PHACTR3: variants seen among roughly 807,000 people sequenced by gnomAD.
PHACTR3 encodes phosphatase and actin regulator 3, also known as protein phosphatase 1, regulatory subunit 123.
Under a neutral mutation model 66.8 loss-of-function variants are expected in PHACTR3, and 16 were observed. The observed-to-expected ratio is 0.24, with a 90% confidence interval of 0.16 to 0.36. PHACTR3 has a LOEUF of 0.36. PHACTR3 is among the 10% of genes least tolerant of loss of function. The pLI is 1.00. For missense variants in PHACTR3, 647 were observed against 719.9 expected (o/e 0.90, Z 1.16); for synonymous variants, 323 against 292.1 (o/e 1.11, Z -1.08).
Position 59,604,611 on chromosome 20 carries a change from G to T in PHACTR3, c.-404G>T. 2.3e-6 allele frequency: 1 copy of T among 440,970 alleles called. No homozygotes were observed. Among genetic ancestry groups the T allele is most frequent in the Non-Finnish European group, 3.0e-6 (1 of 332,216 alleles). 27.3% of individuals were successfully genotyped at this position (440,970 alleles called of 1,614,324 possible). A position where few individuals can be genotyped will look rare whatever the true frequency, so the allele number is the denominator to read the frequency against. On this transcript the variant is annotated 5_prime_UTR_variant, in exon 1 of 13. Transcript: ENST00000371015. ...TCCTGGGGGGGTGGGGGGTGGGGTG[G>T]GGGGAGGGAGCGCCCCCAGACATTC...
intron 7 of PHACTR3, 26 bp from the exon 8 acceptor site, chr20:59,806,015 C>A: frequency 6.2e-7 from 1 of 1,606,820 alleles, no homozygotes; most frequent in South Asian, 1.1e-5. Flanking sequence ...TCCCTTCTCT[C>A]CTCTTGCCCT....
At chr20:59,744,840 G>A (rs1601245783) in intron 2 of PHACTR3, among the ~76,000 whole-genome samples, 1 of 152,152 alleles carries the variant, frequency 6.6e-6, no homozygotes, top group Non-Finnish European at 1.5e-5. Context: ...GTAGGGAGTC[G>A]AGTGACAAAG....
chr20:59,595,059 G>A (rs1283114156), intron 1 of PHACTR3, among the ~76,000 whole-genome samples: 3 of 152,132 alleles, frequency 2.0e-5, no homozygotes. Context: ...TGGCACATGA[G>A]GTGTGTTATT....
intron 1 of PHACTR3, among the ~76,000 whole-genome samples, chr20:59,615,586 C>T (rs764805252): frequency 1.3e-5 from 2 of 152,238 alleles, no homozygotes; most frequent in South Asian, 2.1e-4. Flanking sequence ...TCCAGACCTC[C>T]GTGGCCCTAC....
chr20:59,750,228 C>T (rs1369053779), intron 3 of PHACTR3, among the ~76,000 whole-genome samples: 1 of 151,710 alleles, frequency 6.6e-6, no homozygotes, highest in Non-Finnish European at 1.5e-5. Context: ...TCTCGGGGGG[C>T]CGGGAGATGT....
intron 1 of PHACTR3, chr20:59,676,874 T>G: frequency 2.0e-5 from 5 of 244,060 alleles, no homozygotes; most frequent in Non-Finnish European, 3.1e-5. Context: ...AGCAGGGCCC[T>G]AAGAGAATGG....
At chr20:59,809,819 G>C (rs1009088891) in intron 8 of PHACTR3, among the ~76,000 whole-genome samples, 2 of 152,090 alleles carry the variant, frequency 1.3e-5, no homozygotes, top group Admixed American at 6.5e-5. Flanking sequence ...GAGGATGAAG[G>C]GGCATGGCTG....
rs565425163 is a variant in PHACTR3 at position 59,824,435 on chromosome 20, A to G, written c.1329-12070A>G. Among the ~76,000 whole-genome samples the G allele has an allele frequency of 7.9e-5, 12 of 152,354 alleles. No homozygotes were observed. The South Asian group carries it at 2.5e-3, about 32-fold the overall frequency. On this transcript the variant is annotated intron_variant, in intron 8 of 12. Transcript: ENST00000371015. ...ATGATGATGTGGTTTTGCAGTTTCT[A>G]TATTCACGTTTATTCCCTTTTATCT...
At chr20:59,744,380 C>T (rs2146774124) in intron 2 of PHACTR3, among the ~76,000 whole-genome samples, 1 of 152,344 alleles carries the variant, frequency 6.6e-6, no homozygotes, top group East Asian at 1.9e-4. Flanking sequence ...GGCCCCGCCT[C>T]CAGCCACATG....
chr20:59,804,925 T>C (rs545199029), intron 7 of PHACTR3, among the ~76,000 whole-genome samples: 8 of 152,346 alleles, frequency 5.3e-5, no homozygotes, highest in Admixed American at 4.6e-4. Flanking sequence ...CCTTCATCTA[T>C]GGAAGTGATC....
chr20:59,593,592 T>A (rs2033247328), intron 1 of PHACTR3, among the ~76,000 whole-genome samples: 1 of 152,336 alleles, frequency 6.6e-6, no homozygotes, highest in Non-Finnish European at 1.5e-5. Context: ...TTTTCTAGAC[T>A]TTTCTCCTGT....
rs144143847 is a variant in PHACTR3 at position 59,647,530 on chromosome 20, G to A, written c.118+42398G>A. Among the ~76,000 whole-genome samples the A allele has an allele frequency of 8.3e-4, 127 of 152,314 alleles. 1 individual carries two copies. Among genetic ancestry groups the A allele is most frequent in the African/African-American group, 2.9e-3 (122 of 41,562 alleles). ...GGAGGTCCATTGGCAGGACTGAGCAGCAGGGTGTTGGAGTGACATGCAGGT... is the reference window on the plus strand; with the variant it reads ...GGAGGTCCATTGGCAGGACTGAGCAACAGGGTGTTGGAGTGACATGCAGGT... On this transcript the variant is annotated intron_variant, in intron 1 of 12. Coordinates refer to ENST00000371015, the MANE Select transcript of PHACTR3 (RefSeq NM_080672.5).
At chr20:59,587,320 G>A (rs1054158509) in intron 1 of PHACTR3, among the ~76,000 whole-genome samples, 1 of 152,240 alleles carries the variant, frequency 6.6e-6, no homozygotes. Context: ...GGTGGGAGAA[G>A]GACCCTTGGG....
intron 1 of PHACTR3, among the ~76,000 whole-genome samples, chr20:59,713,677 T>C (rs2037984512): frequency 6.6e-6 from 1 of 152,216 alleles, no homozygotes; most frequent in South Asian, 2.1e-4. Flanking sequence ...ACATTTGTGT[T>C]ATTTCTAGTA....
chr20:59,630,860 A>G (rs1483605509), intron 1 of PHACTR3, among the ~76,000 whole-genome samples: 1 of 151,088 alleles, frequency 6.6e-6, no homozygotes, highest in Non-Finnish European at 1.5e-5. Flanking sequence ...TTATCAAGGA[A>G]GCTCTAGGAT....
At chr20:59,746,568 T>A (rs775749274) in intron 2 of PHACTR3, among the ~76,000 whole-genome samples, 2 of 152,226 alleles carry the variant, frequency 1.3e-5, no homozygotes, top group Non-Finnish European at 2.9e-5. Context: ...AGCACCCAGC[T>A]CAGCACTTGG....
At chr20:59,584,910 C>T (rs1053200591) in intron 1 of PHACTR3, among the ~76,000 whole-genome samples, 2 of 152,090 alleles carry the variant, frequency 1.3e-5, no homozygotes, top group Non-Finnish European at 2.9e-5. Flanking sequence ...GATTGCCCAG[C>T]CCCCACCCCC....
chr20:59,605,882 G>T (rs1350194422), intron 1 of PHACTR3, among the ~76,000 whole-genome samples: 2 of 150,224 alleles, frequency 1.3e-5, no homozygotes, highest in East Asian at 2.0e-4. Flanking sequence ...GGCTGTGTGC[G>T]CCTGTCACCA....
At chr20:59,628,828 T>C (rs2034559205) in intron 1 of PHACTR3, 2 of 984,822 alleles carry the variant, frequency 2.0e-6, no homozygotes, top group Non-Finnish European at 2.4e-6. Context: ...TTAGATCTTG[T>C]TTTTTGTTTG....
Sources: gnomAD v4.1 joint callset for allele counts (sites outside exome capture counted in the v4.1 genomes callset) on GRCh38, gnomAD v4.1.1 for gene constraint, MANE v1.5 for transcripts, NCBI Gene and HGNC (gene_info 2026-07-23, HGNC 2026-07-21) for gene names.